Variants in ANXA2 observed in about 807,000 individuals in gnomAD.
ANXA2 encodes the protein annexin II.
A neutral mutation model predicts 47.3 loss-of-function variants in ANXA2; 28 were observed. The ratio of observed to expected loss-of-function variants is 0.59; its 90% CI spans 0.44 to 0.81. ANXA2 has a LOEUF of 0.81. Among genes scored for constraint, ANXA2 ranks in the 40% least tolerant of loss-of-function variants. The probability of loss-of-function intolerance (pLI) is 0.00; values close to 1 mark genes in which losing one functional copy is unlikely to be tolerated. For missense variants in ANXA2, 384 were observed against 414.3 expected, an observed-to-expected ratio of 0.93 and a Z score of 0.64; for synonymous variants, 172 against 155.5, an observed-to-expected ratio of 1.11 and a Z score of -0.79.
In ANXA2 at chr15:60,352,316, T is replaced by G; in HGVS notation, c.682+67A>C. ...CATTCTGGCAGACTCCATCCCAACA[T>G]GGACATCCACCCAGCCGCCCCAGCC... On this transcript the variant is annotated intron_variant, in intron 9 of 12. Coordinates refer to ENST00000451270, the MANE Select transcript of ANXA2 (RefSeq NM_004039.3). The surrounding 1 kb of genome is among the most constrained non-coding windows in gnomAD (Gnocchi z 4.2). 9.1e-7 allele frequency: 1 copy of G among 1,095,774 alleles called. No individual in the cohort carries two copies. The highest frequency in any genetic ancestry group is 1.4e-6 in the Non-Finnish European group (1 of 728,664). 67.9% of individuals were successfully genotyped at this position (1,095,774 alleles called of 1,614,324 possible). A position where few individuals can be genotyped will look rare whatever the true frequency, so the allele number is the denominator to read the frequency against.
chr15:60,394,962 G>A (rs1032104736), intron 1 of ANXA2, among the ~76,000 whole-genome samples: 28 of 152,052 alleles, frequency 1.8e-4, no homozygotes, highest in Admixed American at 1.3e-4. Flanking sequence ...ATAGGGTGTG[G>A]CACCAGGGCA....
intron 4 of ANXA2, among the ~76,000 whole-genome samples, chr15:60,363,914 G>A (rs539175593): frequency 1.3e-5 from 2 of 152,322 alleles, no homozygotes. Flanking sequence ...GTTGCTACAT[G>A]TACAAAACTG....
intron 7 of ANXA2, 83 bp from the exon 8 acceptor site, chr15:60,354,296 G>A (rs2062391972): frequency 9.9e-6 from 11 of 1,106,830 alleles, no homozygotes; most frequent in South Asian, 5.9e-5. Flanking sequence ...GTCCATGTAC[G>A]CCATTATTTA....
At chr15:60,396,919 T>C (rs909283725) in intron 1 of ANXA2, among the ~76,000 whole-genome samples, 4 of 152,250 alleles carry the variant, frequency 2.6e-5, no homozygotes, top group African/African-American at 4.8e-5. Context: ...AATGACACTT[T>C]GCATTTGCAC....
chr15:60,351,048 A>G (rs1895985551), intron 11 of ANXA2, 145 bp downstream of exon 11: 1 of 740,706 alleles, frequency 1.4e-6, no homozygotes, highest in Non-Finnish European at 2.3e-6. Flanking sequence ...CAGCTGTCAC[A>G]TACAACCACA....
At chr15:60,371,110 T>C (rs982390919) in intron 3 of ANXA2, among the ~76,000 whole-genome samples, 2 of 152,216 alleles carry the variant, frequency 1.3e-5, no homozygotes, top group Non-Finnish European at 2.9e-5. Flanking sequence ...ATTTGGCTCC[T>C]GATAAGAAAC....
At chr15:60,365,405 C>G in intron 3 of ANXA2, among the ~76,000 whole-genome samples, 1 of 152,186 alleles carries the variant, frequency 6.6e-6, no homozygotes, top group Admixed American at 6.5e-5. Flanking sequence ...AAAAGTCTCT[C>G]TCCTGACTGA....
intron 7 of ANXA2, among the ~76,000 whole-genome samples, chr15:60,355,086 C>G (rs1464441794): frequency 1.3e-5 from 2 of 152,114 alleles, no homozygotes. Context: ...TAAGGAGCTG[C>G]CCTGTCAGAG....
At chr15:60,366,259 G>C (rs866330607) in intron 3 of ANXA2, among the ~76,000 whole-genome samples, 1 of 151,186 alleles carries the variant, frequency 6.6e-6, no homozygotes, top group South Asian at 2.1e-4. Flanking sequence ...GCCTCTGCCC[G>C]GCCGCCACCC....
At chr15:60,366,325 A>G (rs373553601) in intron 3 of ANXA2, among the ~76,000 whole-genome samples, 6 of 147,732 alleles carry the variant, frequency 4.1e-5, no homozygotes, top group Admixed American at 2.7e-4. Context: ...GGATATGAGG[A>G]GCCCCTCTGC....
intron 3 of ANXA2, among the ~76,000 whole-genome samples, chr15:60,376,940 G>A (rs543696322): frequency 4.6e-5 from 7 of 152,344 alleles, no homozygotes; most frequent in Admixed American, 1.3e-4. Flanking sequence ...AGTGGGTAGC[G>A]TCCCGGCACA....
chr15:60,354,485 C>A (rs1332576297), intron 7 of ANXA2, among the ~76,000 whole-genome samples: 1 of 151,890 alleles, frequency 6.6e-6, no homozygotes, highest in African/African-American at 2.4e-5. Flanking sequence ...ACTAAATTAG[C>A]CAGGCGTGGT....
At position 60,349,871 on chromosome 15, in the gene ANXA2, GGAAGGCAAGGAGGCAGGA is replaced by G. The variant is rs1566928303; in HGVS notation, c.838-692_838-675del. Reference sequence around the variant, plus strand: ...AGGGAGGTGAAGGCAGGGAGGCAGGGGAAGGCAAGGAGGCAGGAGAAGGCAGGGAGGCAGGGGAAGGCA... The same window carrying G: ...AGGGAGGTGAAGGCAGGGAGGCAGGGGAAGGCAGGGAGGCAGGGGAAGGCA... On this transcript the variant is annotated intron_variant, in intron 11 of 12. Coordinates refer to ENST00000451270, the MANE Select transcript of ANXA2 (RefSeq NM_004039.3). Among the ~76,000 whole-genome samples, 48 of 111,336 alleles carry G rather than the reference GGAAGGCAAGGAGGCAGGA, an allele frequency of 4.3e-4. 12 individuals are homozygous for G. Among genetic ancestry groups the G allele is most frequent in the Non-Finnish European group, 6.3e-4 (33 of 52,732 alleles). 73.0% of individuals were successfully genotyped at this position (111,336 alleles called of 152,430 possible).
chr15:60,361,220 T>C (rs2062507639), intron 4 of ANXA2, among the ~76,000 whole-genome samples, 166 bp from the exon 5 acceptor site: 1 of 152,200 alleles, frequency 6.6e-6, no homozygotes, highest in Non-Finnish European at 1.5e-5. Flanking sequence ...CAGACCCACA[T>C]CTCAGAAACA....
At position 60,362,463 on chromosome 15, in the gene ANXA2, G is replaced by A. The variant is rs541929660; in HGVS notation, c.244-1409C>T. Among the ~76,000 whole-genome samples the A allele has an allele frequency of 5.3e-5, 8 of 152,082 alleles. No individual in the cohort carries two copies. In the South Asian group the frequency reaches 8.3e-4, roughly 16 times the overall value. ...ACCCTTCCCTGTAAGGAGAAGCCTCGCATCTGGCGTCTGCTAGAACATGAA... is the reference window on the plus strand; with the variant it reads ...ACCCTTCCCTGTAAGGAGAAGCCTCACATCTGGCGTCTGCTAGAACATGAA... On this transcript the variant is annotated intron_variant, in intron 4 of 12. Coordinates refer to ENST00000451270, the MANE Select transcript of ANXA2 (RefSeq NM_004039.3).
chr15:60,350,668 G>A (rs1425598722), intron 11 of ANXA2, among the ~76,000 whole-genome samples: 1 of 152,196 alleles, frequency 6.6e-6, no homozygotes, highest in Non-Finnish European at 1.5e-5. Flanking sequence ...GGGAAGGGTT[G>A]TGGGGCTGTC....
chr15:60,364,697 G>A (rs2062568907), intron 3 of ANXA2, among the ~76,000 whole-genome samples, 174 bp from the exon 4 acceptor site: 1 of 152,126 alleles, frequency 6.6e-6, no homozygotes, highest in Non-Finnish European at 1.5e-5. Flanking sequence ...TACCCAATGT[G>A]TACACTCTCT....
chr15:60,366,461 C>T (rs2062606033), intron 3 of ANXA2, among the ~76,000 whole-genome samples: 1 of 151,852 alleles, frequency 6.6e-6, no homozygotes, highest in Admixed American at 6.5e-5. Context: ...CCCCACCGCC[C>T]TGTCTGGGAT....
At chr15:60,355,498 A>T (rs991117524) in intron 7 of ANXA2, 6 of 290,398 alleles carry the variant, frequency 2.1e-5, no homozygotes, top group Non-Finnish European at 3.3e-5. Context: ...CTCCACAAAG[A>T]CAACTCCACC....
Sources: gnomAD v4.1 joint callset for allele counts (sites outside exome capture counted in the v4.1 genomes callset) on GRCh38, gnomAD v4.1.1 for gene constraint, Gnocchi (gnomAD v3.1) non-coding constraint, MANE v1.5 for transcripts, NCBI Gene and HGNC (gene_info 2026-07-23, HGNC 2026-07-21) for gene names.